TTC7B: variants seen among roughly 807,000 people sequenced by gnomAD.
TTC7B encodes the protein tetratricopeptide repeat domain 7B, also known as tetratricopeptide repeat protein 7B.
A neutral mutation model predicts 106.8 loss-of-function variants in TTC7B; 28 were observed. The observed-to-expected ratio is 0.26, with a 90% CI of 0.19 to 0.36. TTC7B has a LOEUF of 0.36. TTC7B is among the 10% of genes least tolerant of loss of function. The probability of loss-of-function intolerance (pLI) is 1.00; values close to 1 mark genes in which losing one functional copy is unlikely to be tolerated. For synonymous variants in TTC7B, 405 were observed against 430.6 expected (o/e 0.94, Z 0.74); for missense variants, 862 against 1,076.4 (o/e 0.80, Z 2.79).
intron 19 of TTC7B, among the ~76,000 whole-genome samples, chr14:90,564,775 G>A (rs553514024): frequency 6.6e-6 from 1 of 152,288 alleles, no homozygotes; most frequent in South Asian, 2.1e-4. Flanking sequence ...GCGGGTTGTG[G>A]TGATACGTGC....
At chr14:90,694,990 A>ATAAATATATGT (rs1887653824) in intron 6 of TTC7B, among the ~76,000 whole-genome samples, 1 of 51,902 alleles carries the variant, frequency 1.9e-5, no homozygotes, top group African/African-American at 6.1e-5. Context: ...ATATATTTAT[A>ATAAATATATGT]ACACATATGC....
chr14:90,758,210 G>A (rs1595352858), intron 3 of TTC7B, among the ~76,000 whole-genome samples: 1 of 151,020 alleles, frequency 6.6e-6, no homozygotes, highest in East Asian at 1.9e-4. Context: ...AAGTACAGGG[G>A]CTTCAAATGG....
chr14:90,713,662 T>C (rs1413582138), intron 5 of TTC7B, among the ~76,000 whole-genome samples: 1 of 152,180 alleles, frequency 6.6e-6, no homozygotes, highest in Non-Finnish European at 1.5e-5. Context: ...ACTTACCATA[T>C]GACCCATCAA....
rs373973401 is a variant in TTC7B at position 90,539,014 on chromosome 14, T to C, written c.*2354A>G. On this transcript the variant is annotated 3_prime_UTR_variant, in exon 20 of 20. Transcript: ENST00000328459. ...AAACCCAGCAGAAAGAGGCTTTTTT[T>C]CTAATGTTTTCATAACAAAAGTCCC... 6.6e-6 allele frequency: 1 copy of C among 152,162 alleles called. No individual in the cohort carries two copies. Among genetic ancestry groups the C allele is most frequent in the Non-Finnish European group, 1.5e-5 (1 of 68,040 alleles). The allele number at this position is 152,162 out of a possible 1,614,324, so 9.4% of individuals were successfully genotyped here.
intron 1 of TTC7B, among the ~76,000 whole-genome samples, chr14:90,812,130 C>T (rs1181414170): frequency 6.6e-6 from 1 of 152,136 alleles, no homozygotes. Flanking sequence ...TCACACGTGC[C>T]CTGAGAGTGG....
intron 18 of TTC7B, among the ~76,000 whole-genome samples, chr14:90,589,709 G>A (rs895501781): frequency 2.0e-5 from 3 of 152,194 alleles, no homozygotes; most frequent in Non-Finnish European, 4.4e-5. Context: ...AAACCCGACA[G>A]TGCGGTGAAA....
intron 19 of TTC7B, among the ~76,000 whole-genome samples, chr14:90,565,885 C>A (rs988337799): frequency 3.9e-5 from 6 of 152,268 alleles, no homozygotes; most frequent in African/African-American, 1.2e-4. Flanking sequence ...GTCAGGACCA[C>A]ATTTATTAAG....
intron 5 of TTC7B, chr14:90,698,188 C>T (rs1887838558): frequency 6.6e-6 from 1 of 152,124 alleles, no homozygotes; most frequent in Admixed American, 6.5e-5. Context: ...TTCAACTAAT[C>T]GCTTCCACTG....
intron 3 of TTC7B, among the ~76,000 whole-genome samples, chr14:90,770,485 C>T (rs1280332547): frequency 6.6e-6 from 1 of 152,026 alleles, no homozygotes; most frequent in African/African-American, 2.4e-5. Flanking sequence ...GGAGAAACCC[C>T]GTCCCTACTA....
rs943362845 is a variant in TTC7B, at chr14:90,808,896, C to A, written c.121+7279G>T. On this transcript the variant is annotated intron_variant, in intron 1 of 19. Coordinates refer to ENST00000328459, the MANE Select transcript of TTC7B (RefSeq NM_001010854.2). The surrounding 1 kb of genome is among the most constrained non-coding windows in gnomAD (Gnocchi z 4.2). The stretch of plus-strand genomic sequence containing the variant: ...CGTGCCCAGGGCACAGCTGGCCGGG[C>A]AGCTGGGGTGCAGGGATGCTCTGGG... Among the ~76,000 whole-genome samples, 3 of 152,226 alleles carry A rather than the reference C, an allele frequency of 2.0e-5. No homozygotes were observed. Among genetic ancestry groups the A allele is most frequent in the Non-Finnish European group, 4.4e-5 (3 of 68,038 alleles).
chr14:90,572,392 T>C (rs1435334756), intron 19 of TTC7B, among the ~76,000 whole-genome samples: 1 of 152,220 alleles, frequency 6.6e-6, no homozygotes, highest in East Asian at 1.9e-4. Context: ...ACATATCCAC[T>C]GCACCTCACA....
Position 90,526,459 on chromosome 14 carries a change from G to A in TTC7B, c.*14909C>T, listed in dbSNP as rs186404546. 1 of 152,314 alleles carries A rather than the reference G, an allele frequency of 6.6e-6. No individual in the cohort carries two copies. Among genetic ancestry groups the A allele is most frequent in the African/African-American group, 2.4e-5 (1 of 41,564 alleles). 9.4% of individuals were successfully genotyped at this position (152,314 alleles called of 1,614,324 possible). On this transcript the variant is annotated 3_prime_UTR_variant, in exon 20 of 20. Transcript: ENST00000328459. The stretch of plus-strand genomic sequence containing the variant: ...CCTTTATGTTACCTGGCACATTTGT[G>A]CCAACAATGGAACTGACATTGATAA...
chr14:90,658,574 G>A (rs905230154), intron 9 of TTC7B, among the ~76,000 whole-genome samples, 187 bp from the exon 10 acceptor site: 1 of 152,196 alleles, frequency 6.6e-6, no homozygotes, highest in Non-Finnish European at 1.5e-5. Context: ...GCACCATGCC[G>A]GTGGCCAGGA....
intron 1 of TTC7B, among the ~76,000 whole-genome samples, chr14:90,810,713 C>T (rs747971957): frequency 2.6e-5 from 4 of 152,218 alleles, no homozygotes; most frequent in Non-Finnish European, 4.4e-5. Context: ...AACTGCTACA[C>T]AGCATAATCT....
At chr14:90,786,062 C>T in intron 2 of TTC7B, 112 bp downstream of exon 2, 6 of 1,255,544 alleles carry the variant, frequency 4.8e-6, no homozygotes, top group Non-Finnish European at 6.3e-6. Flanking sequence ...AGAAGACAAG[C>T]CCTGGCAGTG....
rs1183511001 is a variant in TTC7B at position 90,805,788 on chromosome 14, GTCCGTGCCCTGCCTCAGCTCA to G, written c.121+10366_121+10386del. 7.9e-5 allele frequency among the ~76,000 whole-genome samples: 12 copies of G among 152,176 alleles called. No homozygotes were observed. The highest frequency in any genetic ancestry group is 1.9e-4 in the African/African-American group (8 of 41,450). Reference sequence around the variant, plus strand: ...TGGGGAATTAGCCGCCCTGCAGGGGGTCCGTGCCCTGCCTCAGCTCATCAGAGTCACTCCTGTGAGCCCTGC... The same window carrying G: ...TGGGGAATTAGCCGCCCTGCAGGGGGTCAGAGTCACTCCTGTGAGCCCTGC... On this transcript the variant is annotated intron_variant, in intron 1 of 19. Coordinates refer to ENST00000328459, the MANE Select transcript of TTC7B (RefSeq NM_001010854.2). This position sits in a 1 kb window ranked among gnomAD's most constrained non-coding sequence, Gnocchi z 4.0.
rs536700360 is a variant in TTC7B, at chr14:90,736,735, A to ATATT, written c.577-6540_577-6539insAATA. The stretch of plus-strand genomic sequence containing the variant: ...ACCTGTCTACAAAAAATTTAAAAAT[A>ATATT]GGCCGGGCATAGTGGCATGCGGCTG... On this transcript the variant is annotated intron_variant, in intron 4 of 19. Transcript: ENST00000328459. Among the ~76,000 whole-genome samples the ATATT allele has an allele frequency of 2.3e-3, 342 of 151,824 alleles. 5 individuals are homozygous for ATATT. The highest frequency in any genetic ancestry group is 8.0e-3 in the African/African-American group (333 of 41,372).
intron 18 of TTC7B, among the ~76,000 whole-genome samples, chr14:90,592,387 C>T (rs942959365): frequency 1.3e-5 from 2 of 152,142 alleles, no homozygotes; most frequent in East Asian, 1.9e-4. Flanking sequence ...TTCTTGGAAG[C>T]GCAGTGTAGT....
chr14:90,682,655 C>A (rs1887100298), intron 7 of TTC7B, among the ~76,000 whole-genome samples: 1 of 152,116 alleles, frequency 6.6e-6, no homozygotes, highest in Non-Finnish European at 1.5e-5. Context: ...CAGGCCTCAG[C>A]CTTGAAGAGT....
Sources: allele counts gnomAD v4.1 joint callset (sites outside exome capture counted in the v4.1 genomes callset), GRCh38; gene constraint gnomAD v4.1.1; non-coding constraint Gnocchi (gnomAD v3.1); transcripts MANE v1.5; gene names NCBI Gene and HGNC (gene_info 2026-07-23, HGNC 2026-07-21).